CSMD1: variants seen among roughly 807,000 people sequenced by gnomAD.
The protein encoded by CSMD1 is CUB and sushi domain-containing protein 1.
A neutral mutation model predicts 417.5 loss-of-function variants in CSMD1; 213 were observed. The observed-to-expected ratio is 0.51, with a 90% CI of 0.46 to 0.57. The LOEUF (loss-of-function observed/expected upper bound fraction) is 0.57, where lower values mean the gene tolerates loss of function less well. Ranked by LOEUF, CSMD1 falls within the 20% of genes least tolerant of loss-of-function variation. The probability of loss-of-function intolerance (pLI) is 0.00; values close to 1 mark genes in which losing one functional copy is unlikely to be tolerated. For synonymous variants in CSMD1, 2,862 were observed against 1,736.8 expected (o/e 1.65, Z -16.11); for missense variants, 6,923 against 4,529.7 (o/e 1.53, Z -15.17).
chr8:3,399,531 TA>T lies in CSMD1; in HGVS notation c.2267-3del. On this transcript the variant is annotated splice_polypyrimidine_tract_variant and splice_region_variant and intron_variant, in intron 15 of 69. Coordinates refer to ENST00000635120, the MANE Select transcript of CSMD1 (RefSeq NM_033225.6). ...CTGTCAGATGTCCACCACATGGAGCTAAAACAAGACGTAGAATATCTATTAG... is the reference window on the plus strand; with the variant it reads ...CTGTCAGATGTCCACCACATGGAGCTAAACAAGACGTAGAATATCTATTAG... The T allele has an allele frequency of 6.3e-7, 1 of 1,582,550 alleles. No individual in the cohort carries two copies. The highest frequency in any genetic ancestry group is 8.6e-7 in the Non-Finnish European group (1 of 1,166,892).
In CSMD1 at chr8:2,966,683, A is replaced by G; in HGVS notation, c.8987T>C (p.Leu2996Pro). The G allele has an allele frequency of 6.2e-7, 1 of 1,613,886 alleles. No homozygotes were observed. The highest frequency in any genetic ancestry group is 8.5e-7 in the Non-Finnish European group (1 of 1,179,854). ...GGCATAGATGACCGAGCTGGAGAAC[A>G]GAATGCCATCACTACTGACAATCAT... The part of the protein sequence containing the change: ...NGMIVSSDGI[L>P]FSSSVIYACW... The change falls in exon 58 of 70, where the codon CTG becomes CCG. Residue 2996 changes from leucine to proline, a missense_variant. Coordinates refer to ENST00000635120, the MANE Select transcript of CSMD1 (RefSeq NM_033225.6).
At chr8:4,800,247 T>G (rs1344323496) in intron 1 of CSMD1, among the ~76,000 whole-genome samples, 1 of 151,916 alleles carries the variant, frequency 6.6e-6, no homozygotes, top group Non-Finnish European at 1.5e-5. Context: ...GAGACGAGAC[T>G]AGCAAAACCC....
intron 3 of CSMD1, among the ~76,000 whole-genome samples, chr8:4,218,633 C>G (rs566270207): frequency 1.2e-4 from 18 of 151,960 alleles, no homozygotes; most frequent in African/African-American, 3.4e-4. Context: ...TGTTTCATAC[C>G]GACAGTGATT....
At chr8:3,992,935 G>A (rs150005601) in intron 5 of CSMD1, among the ~76,000 whole-genome samples, 3 of 152,350 alleles carry the variant, frequency 2.0e-5, no homozygotes, top group East Asian at 3.9e-4. Context: ...TTGTTAACAT[G>A]GGATAGGTCA....
intron 2 of CSMD1, among the ~76,000 whole-genome samples, chr8:4,620,193 G>C (rs1337705559): frequency 6.6e-6 from 1 of 151,608 alleles, no homozygotes; most frequent in Non-Finnish European, 1.5e-5. Context: ...TCAGAAAGTA[G>C]AAATTTAAGG....
intron 26 of CSMD1, among the ~76,000 whole-genome samples, chr8:3,232,375 T>C (rs1798892222): frequency 6.6e-6 from 1 of 152,230 alleles, no homozygotes; most frequent in African/African-American, 2.4e-5. Flanking sequence ...CCCCCTTGCT[T>C]GTATTATGTT....
intron 12 of CSMD1, among the ~76,000 whole-genome samples, chr8:3,461,309 G>T (rs1278557262): frequency 6.6e-6 from 1 of 152,214 alleles, no homozygotes; most frequent in African/African-American, 2.4e-5. Flanking sequence ...ATGAGGGAAT[G>T]CGCTTCTGAA....
intron 12 of CSMD1, among the ~76,000 whole-genome samples, chr8:3,451,860 T>C (rs79182311): frequency 0.42 from 64,214 of 151,940 alleles, 14,171 homozygotes; most frequent in Middle Eastern, 0.51. Context: ...AAGAAAGTCA[T>C]TGGTAGCTTG....
chr8:3,198,935 A>G (rs1796844088), intron 33 of CSMD1, among the ~76,000 whole-genome samples: 1 of 152,000 alleles, frequency 6.6e-6, no homozygotes, highest in African/African-American at 2.4e-5. Flanking sequence ...ATTGCTTTTT[A>G]TTTTTGAACA....
intron 2 of CSMD1, among the ~76,000 whole-genome samples, chr8:4,538,403 G>C (rs1260119837): frequency 6.6e-6 from 1 of 152,044 alleles, no homozygotes; most frequent in African/African-American, 2.4e-5. Flanking sequence ...AGCACTTTGG[G>C]AGGCCGAGGC....
At chr8:3,500,644 T>C (rs1279272962) in intron 10 of CSMD1, among the ~76,000 whole-genome samples, 1 of 152,046 alleles carries the variant, frequency 6.6e-6, no homozygotes. Flanking sequence ...TCCATAAAAC[T>C]AAAGATCTTA....
intron 39 of CSMD1, among the ~76,000 whole-genome samples, chr8:3,154,313 G>A (rs1415826864): frequency 6.6e-6 from 1 of 152,218 alleles, no homozygotes; most frequent in East Asian, 1.9e-4. Context: ...CCATGTCTTA[G>A]ATTGGTTCAG....
intron 3 of CSMD1, among the ~76,000 whole-genome samples, chr8:4,251,962 C>G (rs1487162587): frequency 6.6e-6 from 1 of 151,424 alleles, no homozygotes; most frequent in Admixed American, 6.6e-5. Flanking sequence ...GAAAGATGTT[C>G]AATGGAGGTA....
At chr8:3,553,006 C>G (rs1271501937) in intron 10 of CSMD1, among the ~76,000 whole-genome samples, 1 of 151,948 alleles carries the variant, frequency 6.6e-6, no homozygotes, top group Non-Finnish European at 1.5e-5. Flanking sequence ...CACGTACTGT[C>G]TGTCAATTAC....
intron 3 of CSMD1, among the ~76,000 whole-genome samples, chr8:4,191,145 C>T (rs925561905): frequency 6.6e-6 from 1 of 152,030 alleles, no homozygotes; most frequent in Non-Finnish European, 1.5e-5. Context: ...GCCTGTAATC[C>T]CAGCACTTTG....
chr8:4,845,861 T>C (rs1476406501), intron 1 of CSMD1, among the ~76,000 whole-genome samples: 3 of 152,300 alleles, frequency 2.0e-5, no homozygotes, highest in South Asian at 2.1e-4. Context: ...TTTTTCCCAC[T>C]ACCTAATGAG....
At chr8:4,986,310 C>A (rs1239088170) in intron 1 of CSMD1, among the ~76,000 whole-genome samples, 1 of 152,076 alleles carries the variant, frequency 6.6e-6, no homozygotes, top group Non-Finnish European at 1.5e-5. Context: ...TGATGAGAGT[C>A]CCCGACATCC....
intron 51 of CSMD1, among the ~76,000 whole-genome samples, chr8:3,023,704 G>C (rs1585172815): frequency 6.6e-6 from 1 of 152,060 alleles, no homozygotes; most frequent in Non-Finnish European, 1.5e-5. Context: ...TGATTAATAG[G>C]TGATCAAGGC....
chr8:4,319,693 C>A (rs778134439), intron 3 of CSMD1, among the ~76,000 whole-genome samples: 3 of 152,014 alleles, frequency 2.0e-5, no homozygotes, highest in African/African-American at 7.3e-5. Context: ...GCAATCCAAG[C>A]AGAATTTGGC....
Sources: allele counts gnomAD v4.1 joint callset (sites outside exome capture counted in the v4.1 genomes callset), GRCh38; gene constraint gnomAD v4.1.1; transcripts MANE v1.5; gene names NCBI Gene and HGNC (gene_info 2026-07-23, HGNC 2026-07-21).